Variants in CDYL2 observed in about 807,000 individuals in gnomAD.
CDYL2 encodes the protein chromodomain Y like 2.
Under a neutral mutation model 49.4 loss-of-function variants are expected in CDYL2, and 23 were observed. That is an observed-to-expected ratio of 0.47 (90% CI 0.34 to 0.66). The LOEUF (loss-of-function observed/expected upper bound fraction) is 0.66, where lower values mean the gene tolerates loss of function less well. Ranked by LOEUF, CDYL2 falls within the 30% of genes least tolerant of loss-of-function variation. The pLI is 0.01. For synonymous variants in CDYL2, 360 were observed against 268.8 expected (o/e 1.34, Z -3.32); for missense variants, 678 against 656.4 (o/e 1.03, Z -0.36).
intron 6 of CDYL2, 138 bp downstream of exon 6, chr16:80,607,954 T>C (rs1906416786): frequency 8.1e-6 from 8 of 985,352 alleles, no homozygotes; most frequent in Non-Finnish European, 1.0e-5. Context: ...GAAAAGGCAT[T>C]TGTTAAATTG....
chr16:80,706,820 G>A (rs73595114), intron 1 of CDYL2, among the ~76,000 whole-genome samples: 133 of 152,306 alleles, frequency 8.7e-4, no homozygotes, highest in African/African-American at 3.0e-3. Context: ...TTCATCACGG[G>A]AAGGCAGAAG....
At chr16:80,794,331 G>C (rs542169085) in intron 1 of CDYL2, among the ~76,000 whole-genome samples, 3 of 152,106 alleles carry the variant, frequency 2.0e-5, no homozygotes, top group African/African-American at 7.2e-5. Flanking sequence ...AAGTGTATTC[G>C]CTCATTTAAT....
intron 1 of CDYL2, among the ~76,000 whole-genome samples, chr16:80,742,495 T>TG (rs1357351316): frequency 6.8e-6 from 1 of 147,370 alleles, no homozygotes; most frequent in Non-Finnish European, 1.5e-5. Flanking sequence ...GATGGATGGA[T>TG]GAATAGATGG....
chr16:80,715,547 C>T (rs1257970185), intron 1 of CDYL2, among the ~76,000 whole-genome samples: 1 of 152,120 alleles, frequency 6.6e-6, no homozygotes, highest in African/African-American at 2.4e-5. Flanking sequence ...CTCATAGCAG[C>T]CTCCAAAGGA....
intron 1 of CDYL2, among the ~76,000 whole-genome samples, chr16:80,724,831 A>C (rs1187855411): frequency 1.3e-5 from 2 of 152,164 alleles, no homozygotes; most frequent in East Asian, 3.9e-4. Context: ...GCAGCTTCCC[A>C]CATGGTCTTC....
Position 80,609,967 on chromosome 16 carries a change from C to T in CDYL2, c.1219-1732G>A, listed in dbSNP as rs138861979. On this transcript the variant is annotated intron_variant, in intron 5 of 6. Coordinates refer to ENST00000570137, the MANE Select transcript of CDYL2 (RefSeq NM_152342.4). ...CGTCACAAAGCCTCAATCTTCTCTGCTGTCCAGGAGGCATCATGACAGCAC... is the reference window on the plus strand; with the variant it reads ...CGTCACAAAGCCTCAATCTTCTCTGTTGTCCAGGAGGCATCATGACAGCAC... Among the ~76,000 whole-genome samples the T allele has an allele frequency of 1.9e-3, 284 of 152,270 alleles. 4 individuals carry two copies. Among genetic ancestry groups the T allele is most frequent in the African/African-American group, 6.6e-3 (274 of 41,558 alleles).
chr16:80,729,311 A>G (rs1905255813), intron 1 of CDYL2, among the ~76,000 whole-genome samples: 1 of 151,746 alleles, frequency 6.6e-6, no homozygotes, highest in Non-Finnish European at 1.5e-5. Flanking sequence ...CTAGTCTCTG[A>G]TAAAACAGAC....
At chr16:80,795,230 C>T (rs1907735446) in intron 1 of CDYL2, among the ~76,000 whole-genome samples, 1 of 152,100 alleles carries the variant, frequency 6.6e-6, no homozygotes, top group African/African-American at 2.4e-5. Context: ...AGCCCAGGGT[C>T]CCAGTCCCAC....
At chr16:80,776,002 T>C (rs761295242) in intron 1 of CDYL2, among the ~76,000 whole-genome samples, 2 of 152,038 alleles carry the variant, frequency 1.3e-5, no homozygotes, top group Non-Finnish European at 2.9e-5. Context: ...GTATATGTCA[T>C]AACCTCTGGT....
intron 1 of CDYL2, among the ~76,000 whole-genome samples, chr16:80,786,046 G>C (rs1451966923): frequency 2.6e-5 from 4 of 152,160 alleles, no homozygotes; most frequent in African/African-American, 9.7e-5. Context: ...TCAGGACATA[G>C]GCTTTGGCAA....
At chr16:80,627,499 C>T (rs1907356645) in intron 3 of CDYL2, 1 of 152,180 alleles carries the variant, frequency 6.6e-6, no homozygotes, top group African/African-American at 2.4e-5. Flanking sequence ...ACAAACTATA[C>T]TGTTTTTCAT....
intron 1 of CDYL2, among the ~76,000 whole-genome samples, chr16:80,714,275 G>T (rs28738716): frequency 5.9e-5 from 9 of 151,694 alleles, no homozygotes; most frequent in African/African-American, 2.2e-4. Context: ...TACTTTTTAG[G>T]TTCTTACTAC....
chr16:80,608,379 A>C, intron 5 of CDYL2, 144 bp from the exon 6 acceptor site: 1 of 888,042 alleles, frequency 1.1e-6, no homozygotes, highest in Non-Finnish European at 1.7e-6. Context: ...GGGGTCAGAT[A>C]AGCTTTGGGA....
intron 3 of CDYL2, among the ~76,000 whole-genome samples, chr16:80,622,248 A>G (rs1003721412): frequency 6.6e-6 from 1 of 152,080 alleles, no homozygotes; most frequent in African/African-American, 2.4e-5. Context: ...GAGAGCCCAG[A>G]GCTCCCATTT....
chr16:80,715,469 G>A (rs1904766122), intron 1 of CDYL2, among the ~76,000 whole-genome samples: 1 of 152,114 alleles, frequency 6.6e-6, no homozygotes, highest in Non-Finnish European at 1.5e-5. Context: ...CCTCCTGAAT[G>A]TCTTTGCAAG....
intron 2 of CDYL2, among the ~76,000 whole-genome samples, chr16:80,652,339 G>T (rs572428720): frequency 6.6e-6 from 1 of 152,192 alleles, no homozygotes; most frequent in Non-Finnish European, 1.5e-5. Context: ...ACCTAAAAGA[G>T]CTGTTAATGG....
chr16:80,685,232 A>C (rs903742044), intron 1 of CDYL2, 103 bp from the exon 2 acceptor site: 20 of 883,290 alleles, frequency 2.3e-5, no homozygotes, highest in East Asian at 1.3e-4. Context: ...AGAGGCATCT[A>C]CCCTAGCCAG....
chr16:80,692,552 T>C (rs1191583266), intron 1 of CDYL2, among the ~76,000 whole-genome samples: 1 of 152,206 alleles, frequency 6.6e-6, no homozygotes, highest in African/African-American at 2.4e-5. Flanking sequence ...AGAATACATA[T>C]TAGGATTAAT....
intron 5 of CDYL2, among the ~76,000 whole-genome samples, chr16:80,610,355 T>C (rs1185386967): frequency 1.3e-5 from 2 of 152,136 alleles, no homozygotes; most frequent in Non-Finnish European, 2.9e-5. Flanking sequence ...CTCAAGAGCA[T>C]GAGAGTAATG....
Sources: allele counts gnomAD v4.1 joint callset (sites outside exome capture counted in the v4.1 genomes callset), GRCh38; gene constraint gnomAD v4.1.1; transcripts MANE v1.5; gene names NCBI Gene and HGNC (gene_info 2026-07-23, HGNC 2026-07-21).